The following UGCG variants were observed in gnomAD, a reference collection of about 807,000 sequenced individuals.
UGCG encodes the protein ceramide glucosyltransferase.
In UGCG, 10 loss-of-function variants were observed where a neutral mutation model predicts 49.5. The ratio of observed to expected loss-of-function variants is 0.20; its 90% CI spans 0.12 to 0.34. The LOEUF (loss-of-function observed/expected upper bound fraction) is 0.34, where lower values mean the gene tolerates loss of function less well. Ranked by LOEUF, UGCG falls within the 10% of genes least tolerant of loss-of-function variation. The pLI is 1.00. For missense variants in UGCG, 312 were observed against 483.7 expected (o/e 0.65, Z 3.33); for synonymous variants, 182 against 158.2 (o/e 1.15, Z -1.13).
At chr9:111,924,132 CTG>C (rs776085131) in intron 3 of UGCG, among the ~76,000 whole-genome samples, 7 of 152,136 alleles carry the variant, frequency 4.6e-5, no homozygotes, top group Non-Finnish European at 1.0e-4. Context: ...TATAATCTTA[CTG>C]TATTTATGAA....
At chr9:111,932,498 TTCTC>T in intron 8 of UGCG, 139 bp downstream of exon 8, 1 of 907,738 alleles carries the variant, frequency 1.1e-6, no homozygotes, top group Non-Finnish European at 1.6e-6. Context: ...GAACATGACT[TTCTC>T]TAGTGGAATG....
chr9:111,930,711 G>A (rs7867336), intron 6 of UGCG, among the ~76,000 whole-genome samples: 12,450 of 151,632 alleles, frequency 0.082, 1,010 homozygotes, highest in African/African-American at 0.2. Context: ...CTCGTGATCC[G>A]CCCGCCTCAG....
chr9:111,912,286 T>C (rs886097591), intron 1 of UGCG, among the ~76,000 whole-genome samples: 1 of 151,866 alleles, frequency 6.6e-6, no homozygotes, highest in Non-Finnish European at 1.5e-5. Context: ...TCTTTAAAAT[T>C]ATCCAATCTG....
At chr9:111,906,032 T>C (rs1234058989) in intron 1 of UGCG, among the ~76,000 whole-genome samples, 2 of 152,176 alleles carry the variant, frequency 1.3e-5, no homozygotes, top group Non-Finnish European at 2.9e-5. Flanking sequence ...CCAGTTGTAG[T>C]TTACTGCCAG....
chr9:111,908,992 C>T (rs192645106), intron 1 of UGCG, among the ~76,000 whole-genome samples: 1 of 152,316 alleles, frequency 6.6e-6, no homozygotes, highest in East Asian at 1.9e-4. Flanking sequence ...GATCTCGGCT[C>T]ACTGCAACCT....
At chr9:111,918,662 G>A (rs1048822363) in intron 2 of UGCG, among the ~76,000 whole-genome samples, 18 of 152,220 alleles carry the variant, frequency 1.2e-4, no homozygotes, top group African/African-American at 2.9e-4. Flanking sequence ...GGCCGGGGGC[G>A]GTGGCTCACG....
In UGCG at chr9:111,932,348, A is replaced by G; in HGVS notation, c.1003A>G (p.Arg335Gly). 6.2e-7 allele frequency: 1 copy of G among 1,613,856 alleles called. No individual in the cohort carries two copies. Among genetic ancestry groups the G allele is most frequent in the Non-Finnish European group, 8.5e-7 (1 of 1,179,922 alleles). Reference sequence around the variant, plus strand: ...GTTTATATTTGACTACATTCAACTCAGGGGTGTCCAGGTATGTGGATAGGC... The same window carrying G: ...GTTTATATTTGACTACATTCAACTCGGGGGTGTCCAGGTATGTGGATAGGC... Reference protein sequence around the residue: ...AWFIFDYIQLRGVQGGTLCFS... With the variant: ...AWFIFDYIQLGGVQGGTLCFS... The change falls in exon 8 of 9, where the codon AGG (arginine) becomes GGG (glycine). Residue 335 changes from arginine (R) to glycine (G), a missense_variant. This residue lies in a region of UGCG where 180 missense variants were observed against 320.4 expected (regional missense o/e 0.56). Coordinates refer to ENST00000374279, the MANE Select transcript of UGCG (RefSeq NM_003358.3).
chr9:111,902,327 AT>A (rs1319098323), intron 1 of UGCG, among the ~76,000 whole-genome samples: 1 of 152,110 alleles, frequency 6.6e-6, no homozygotes, highest in Non-Finnish European at 1.5e-5. Context: ...ACTATTGGTT[AT>A]TTTACCTTCT....
rs1320901147 is a variant in UGCG at position 111,914,655 on chromosome 9, T to G, written c.149T>G (p.Leu50Arg). ...KATDKQPYSKLPGVSLLKPLK... is the reference protein window; with the variant it reads ...KATDKQPYSKRPGVSLLKPLK... ...ACTGACAAACAGCCTTATAGCAAGC[T>G]CCCAGGTGTCTCTCTTCTGAAACCA... is the stretch of plus-strand genomic sequence containing the variant. The change falls in exon 2 of 9, where the codon CTC (leucine) becomes CGC (arginine). Residue 50 changes from leucine (L) to arginine (R), a missense_variant. Leu to Arg is a moderately radical substitution (Grantham distance 102, BLOSUM62 -2). Around this residue, in one of 4 missense-constraint regions of UGCG, gnomAD observed 65 missense variants for 74.7 expected, o/e 0.87. Transcript: ENST00000374279. 2.5e-6 allele frequency: 4 copies of G among 1,614,008 alleles called. No homozygotes were observed. In the African/African-American group the frequency reaches 5.3e-5, roughly 22 times the overall value.
chr9:111,929,881 C>T (rs1048133415), intron 6 of UGCG, among the ~76,000 whole-genome samples: 1 of 152,080 alleles, frequency 6.6e-6, no homozygotes, highest in Non-Finnish European at 1.5e-5. Context: ...TGCAGTGGCG[C>T]GATCTTGGCT....
chr9:111,904,015 C>G (rs1837828692), intron 1 of UGCG, among the ~76,000 whole-genome samples: 1 of 152,132 alleles, frequency 6.6e-6, no homozygotes, highest in African/African-American at 2.4e-5. Context: ...TAAATTGGTT[C>G]AGGCATCAGT....
At chr9:111,919,112 G>C (rs575766974) in intron 2 of UGCG, among the ~76,000 whole-genome samples, 19 of 152,054 alleles carry the variant, frequency 1.2e-4, no homozygotes, top group African/African-American at 4.6e-4. Context: ...GAAAATAAAA[G>C]CTAAGATTAG....
intron 5 of UGCG, among the ~76,000 whole-genome samples, chr9:111,928,180 G>A (rs1206000103): frequency 6.6e-6 from 1 of 152,154 alleles, no homozygotes. Context: ...ACTTGCATCT[G>A]GCCTTTGGCA....
chr9:111,932,535 T>C (rs1479342246), intron 8 of UGCG, among the ~76,000 whole-genome samples, 176 bp downstream of exon 8: 1 of 152,270 alleles, frequency 6.6e-6, no homozygotes, highest in Admixed American at 6.5e-5. Context: ...TTAAGTCGAT[T>C]TGCAACTTTC....
intron 2 of UGCG, among the ~76,000 whole-genome samples, chr9:111,919,409 G>A (rs1208266696): frequency 6.6e-6 from 1 of 151,910 alleles, no homozygotes; most frequent in Non-Finnish European, 1.5e-5. Context: ...CTTGAGCCTG[G>A]GAAGTTGAGG....
At chr9:111,932,682 A>C (rs1838448011) in intron 8 of UGCG, 145 bp from the exon 9 acceptor site, 2 of 745,766 alleles carry the variant, frequency 2.7e-6, no homozygotes, top group African/African-American at 1.8e-5. Flanking sequence ...CTTGAACGGT[A>C]TAACATGGCA....
chr9:111,901,801 A>G (rs1055421645), intron 1 of UGCG, among the ~76,000 whole-genome samples: 20 of 152,154 alleles, frequency 1.3e-4, no homozygotes, highest in African/African-American at 4.6e-4. Context: ...AGTTCAGCAC[A>G]CCTTCATATC....
At chr9:111,926,569 G>A in intron 5 of UGCG, 73 bp downstream of exon 5, 1 of 1,176,912 alleles carries the variant, frequency 8.5e-7, no homozygotes, top group Non-Finnish European at 1.2e-6. Flanking sequence ...GACTATGGGA[G>A]CTGGAATTAG....
rs974993154 is a variant in UGCG at position 111,934,763 on chromosome 9, G to T, written c.*1766G>T. 3 of 150,444 alleles carry T rather than the reference G, an allele frequency of 2.0e-5. No individual in the cohort carries two copies. The highest frequency in any genetic ancestry group is 1.3e-4 in the Admixed American group (2 of 15,134). The allele number at this position is 150,444 out of a possible 1,614,324, so 9.3% of individuals were successfully genotyped here. A position where few individuals can be genotyped will look rare whatever the true frequency, so the allele number is the denominator to read the frequency against. ...TAGCCTTATGATGAATTTGTTTGAA[G>T]GGCATTTTCTTTATGAACAAAGGCT... On this transcript the variant is annotated 3_prime_UTR_variant, in exon 9 of 9. Coordinates refer to ENST00000374279, the MANE Select transcript of UGCG (RefSeq NM_003358.3).
Sources: allele counts gnomAD v4.1 joint callset (sites outside exome capture counted in the v4.1 genomes callset), GRCh38; gene constraint gnomAD v4.1.1; regional missense constraint gnomAD v4.1.1; transcripts MANE v1.5; gene names NCBI Gene and HGNC (gene_info 2026-07-23, HGNC 2026-07-21).